Variants in UTP14A observed in about 807,000 individuals in gnomAD.
The protein encoded by UTP14A is U3 small nucleolar RNA-associated protein 14 homolog A.
A neutral mutation model predicts 57.2 loss-of-function variants in UTP14A; 5 were observed. That is an observed-to-expected ratio of 0.09 (90% CI 0.05 to 0.18). UTP14A has a LOEUF of 0.18. Ranked by LOEUF, UTP14A falls within the 10% of genes least tolerant of loss-of-function variation. The pLI is 1.00. For missense variants in UTP14A, 430 were observed against 562.1 expected (o/e 0.76, Z 2.38); for synonymous variants, 169 against 210.9 (o/e 0.80, Z 1.72).
intron 6 of UTP14A, among the ~76,000 whole-genome samples, chrX:129,915,466 A>G (rs1426126203): frequency 3.9e-5 from 4 of 102,744 alleles, no homozygotes; most frequent in Admixed American, 2.1e-4. Flanking sequence ...CGGAGCTTGC[A>G]GTGAACCAAG....
intron 14 of UTP14A, 108 bp downstream of exon 14, chrX:129,926,447 C>T (rs1041243994): frequency 4.1e-5 from 27 of 663,417 alleles, no homozygotes; most frequent in African/African-American, 3.7e-4. Context: ...TGATCTTGAC[C>T]GCAGAATCAA....
chrX:129,908,378 A>G, intron 3 of UTP14A: 1 of 409,968 alleles, frequency 2.4e-6, no homozygotes, highest in Non-Finnish European at 4.2e-6. Context: ...AGAGAAATAA[A>G]TTTACTTACC....
At position 129,919,126 on chromosome X, in the gene UTP14A, G is replaced by C. The variant is rs927908132; in HGVS notation, c.538-49G>C. The C allele has an allele frequency of 2.5e-6, 3 of 1,207,946 alleles. No individual in the cohort carries two copies. In the African/African-American group the frequency reaches 5.2e-5, roughly 21 times the overall value. On this transcript the variant is annotated intron_variant, in intron 6 of 14. Coordinates refer to ENST00000394422, the MANE Select transcript of UTP14A (RefSeq NM_006649.4). ...AATCATAGGAATGTAAAGAGAGAAA[G>C]CTGTAAGAGCATGGCTTAAGACTCA...
chrX:129,908,600 T>A lies in UTP14A; in HGVS notation c.174-70T>A, dbSNP rs953173896. 66 of 1,009,943 alleles carry A rather than the reference T, an allele frequency of 6.5e-5. No homozygotes were observed. In the South Asian group the frequency reaches 1.2e-3, roughly 18 times the overall value. The allele number at this position is 1,009,943 out of a possible 1,213,427, so 83.2% of individuals were successfully genotyped here. A position where few individuals can be genotyped will look rare whatever the true frequency, so the allele number is the denominator to read the frequency against. ...AAAGCCCTGTTTGAAGAGAGAAGTG[T>A]TTGTCTCTCCCAACCCCAAGCCCCC... On this transcript the variant is annotated intron_variant, in intron 3 of 14. Coordinates refer to ENST00000394422, the MANE Select transcript of UTP14A (RefSeq NM_006649.4).
In UTP14A at chrX:129,921,689, T is replaced by G. The variant is rs558158161; in HGVS notation, c.1348+102T>G. The G allele has an allele frequency of 6.5e-6, 6 of 919,027 alleles. No homozygotes were observed. The South Asian group carries it at 1.6e-4, about 25-fold the overall frequency. The allele number at this position is 919,027 out of a possible 1,213,427, so 75.7% of individuals were successfully genotyped here. A position where few individuals can be genotyped will look rare whatever the true frequency, so the allele number is the denominator to read the frequency against. ...CCCACACACAAAACTGCATAGTGAT[T>G]AGGCGCTGGGGACTTGCAAGAGTGC... On this transcript the variant is annotated intron_variant, in intron 11 of 14. Coordinates refer to ENST00000394422, the MANE Select transcript of UTP14A (RefSeq NM_006649.4).
At chrX:129,912,191 C>T (rs1929502306) in intron 6 of UTP14A, among the ~76,000 whole-genome samples, 1 of 108,869 alleles carries the variant, frequency 9.2e-6, no homozygotes, top group African/African-American at 3.4e-5. Context: ...CAGCTCACTG[C>T]AACCTCTGCC....
rs1471695509 is a variant in UTP14A, at chrX:129,929,429, T to C, written c.2137T>C (p.Phe713Leu). 12 of 1,209,658 alleles carry C rather than the reference T, an allele frequency of 9.9e-6. No individual in the cohort carries two copies. The highest frequency in any genetic ancestry group is 2.3e-4 in the Middle Eastern group (1 of 4,376). Residue 713 changes from phenylalanine to leucine, a missense_variant, in exon 15 of 15, where the codon TTC (phenylalanine) becomes CTC (leucine). Physicochemically the swap from Phe to Leu is conservative, Grantham distance 22. This residue lies in a region of UTP14A where 82 missense variants were observed against 151.4 expected (regional missense o/e 0.54). Coordinates refer to ENST00000394422, the MANE Select transcript of UTP14A (RefSeq NM_006649.4). ...ATCCACATGGAACACCCAGAGGGCT[T>C]TCCAAAAGCTGACTACTCCCAAGGT... ...IGSTWNTQRA[F>L]QKLTTPKVVT...
At chrX:129,928,256 G>A (rs1191364665) in intron 14 of UTP14A, among the ~76,000 whole-genome samples, 2 of 107,175 alleles carry the variant, frequency 1.9e-5, no homozygotes, top group Non-Finnish European at 3.9e-5. Context: ...ATGGTGGCAG[G>A]CCCCTGTAGT....
In UTP14A at chrX:129,921,504, G is replaced by A. The variant is rs1186010196; in HGVS notation, c.1265G>A (p.Arg422Lys). Residue 422 changes from arginine to lysine, a missense_variant, in exon 11 of 15, where the codon AGA becomes AAA. Arg to Lys is a conservative substitution (Grantham distance 26, BLOSUM62 2). Around this residue, in one of 4 missense-constraint regions of UTP14A, gnomAD observed 120 missense variants for 116.8 expected, o/e 1.03. Transcript: ENST00000394422. ...GTGGCAGAAGAAGAAATTTTGTTGA[G>A]AGAATTTGAGGAAAGGCGATCCCTT... is the stretch of plus-strand genomic sequence containing the variant. The part of the protein sequence containing the change: ...RPVAEEEILL[R>K]EFEERRSLRK... The A allele has an allele frequency of 8.3e-7, 1 of 1,209,660 alleles. No individual in the cohort carries two copies. Among genetic ancestry groups the A allele is most frequent in the African/African-American group, 1.8e-5 (1 of 57,052 alleles).
chrX:129,916,636 T>A (rs997656533), intron 6 of UTP14A, among the ~76,000 whole-genome samples: 1 of 112,011 alleles, frequency 8.9e-6, no homozygotes, highest in Non-Finnish European at 1.9e-5. Context: ...ACCTTTCCTT[T>A]GGAACTTTAC....
At chrX:129,909,677 C>T (rs1304053105) in intron 4 of UTP14A, among the ~76,000 whole-genome samples, 3 of 111,457 alleles carry the variant, frequency 2.7e-5, no homozygotes, top group African/African-American at 9.8e-5. Context: ...AATTTTCACC[C>T]TGGGGTGGCG....
At chrX:129,923,052 G>T (rs1929973798) in intron 11 of UTP14A, 1 of 111,798 alleles carries the variant, frequency 8.9e-6, no homozygotes, top group African/African-American at 3.3e-5. Context: ...TAAATAAATT[G>T]AATTTTCTCA....
At chrX:129,908,375 T>C in intron 3 of UTP14A, 1 of 408,548 alleles carries the variant, frequency 2.4e-6, no homozygotes, top group Non-Finnish European at 4.2e-6. Flanking sequence ...ATTAGAGAAA[T>C]AAATTTACTT....
Position 129,919,462 on chromosome X carries a change from G to A in UTP14A, c.725G>A (p.Arg242Gln), listed in dbSNP as rs1374349050. 5 of 1,210,031 alleles carry A rather than the reference G, an allele frequency of 4.1e-6. No homozygotes were observed. Among genetic ancestry groups the A allele is most frequent in the African/African-American group, 3.5e-5 (2 of 57,232 alleles). ...CAGTCCTACTATGAGGCCAAGGCTC[G>A]AAGAGAGAAGAAAATCAAAAGTAAA... ...ALQSYYEAKA[R>Q]REKKIKSKKY... The change falls in exon 8 of 15, where the codon CGA becomes CAA. Residue 242 changes from arginine to glutamine, a missense_variant. This residue lies in a region of UTP14A where 83 missense variants were observed against 140.4 expected (regional missense o/e 0.59). Transcript: ENST00000394422.
intron 14 of UTP14A, among the ~76,000 whole-genome samples, 165 bp downstream of exon 14, chrX:129,926,504 G>A (rs1603020933): frequency 8.9e-6 from 1 of 112,004 alleles, no homozygotes; most frequent in East Asian, 2.8e-4. Flanking sequence ...ATTTCAGATA[G>A]ACTACGCTGT....
intron 7 of UTP14A, 44 bp from the exon 8 acceptor site, chrX:129,919,351 T>C: frequency 8.3e-7 from 1 of 1,211,300 alleles, no homozygotes; most frequent in Non-Finnish European, 1.1e-6. Context: ...CTCCTAGCAT[T>C]TGTCCTCTGG....
chrX:129,907,318 G>T (rs779564428), intron 1 of UTP14A, 49 bp from the exon 2 acceptor site: 1 of 1,052,620 alleles, frequency 9.5e-7, no homozygotes, highest in South Asian at 2.1e-5. Context: ...ATGCAGGTTT[G>T]TTACATGGGT....
intron 6 of UTP14A, among the ~76,000 whole-genome samples, chrX:129,916,667 G>A (rs1425479964): frequency 8.9e-6 from 1 of 111,938 alleles, no homozygotes; most frequent in African/African-American, 3.2e-5. Flanking sequence ...TACACAATCA[G>A]CAGGATTTTC....
At chrX:129,922,951 C>A (rs957829216) in intron 11 of UTP14A, 1 of 111,140 alleles carries the variant, frequency 9.0e-6, no homozygotes, top group African/African-American at 3.3e-5. Context: ...TTCTCTTGAG[C>A]CCCCTCAACA....
Sources: gnomAD v4.1 joint callset for allele counts (sites outside exome capture counted in the v4.1 genomes callset) on GRCh38, gnomAD v4.1.1 for gene constraint, gnomAD v4.1.1 regional missense constraint, MANE v1.5 for transcripts, NCBI Gene and HGNC (gene_info 2026-07-23, HGNC 2026-07-21) for gene names.